Variants in ALDH1L1 observed in about 807,000 individuals in gnomAD.
The protein encoded by ALDH1L1 is aldehyde dehydrogenase 1 family member L1.
A neutral mutation model predicts 101.1 loss-of-function variants in ALDH1L1; 68 were observed. The observed-to-expected ratio is 0.67, with a 90% CI of 0.55 to 0.82. The LOEUF is 0.82. Ranked by LOEUF, ALDH1L1 falls within the 40% of genes least tolerant of loss-of-function variation. The pLI is 0.00. For missense variants in ALDH1L1, 1,087 were observed against 1,172.7 expected, an observed-to-expected ratio of 0.93 and a Z score of 1.07; for synonymous variants, 486 against 470.8, an observed-to-expected ratio of 1.03 and a Z score of -0.42.
intron 9 of ALDH1L1, among the ~76,000 whole-genome samples, chr3:126,143,570 A>G (rs2080611224): frequency 6.6e-6 from 1 of 152,248 alleles, no homozygotes; most frequent in African/African-American, 2.4e-5. Context: ...AGTTCCATCC[A>G]AGGCAATTAG....
chr3:126,158,116 C>T (rs996634326), intron 3 of ALDH1L1, among the ~76,000 whole-genome samples: 2 of 152,046 alleles, frequency 1.3e-5, no homozygotes. Context: ...CCTTCTGGTG[C>T]CCTCTCTGTC....
rs376231186 is a variant in ALDH1L1, at chr3:126,135,521, T to C, written c.1472+14A>G. ...ATGGTGGCAGTGGCTGGCAGGTACA[T>C]GTTGGGCTCCCACCTGTACATCAGC... On this transcript the variant is annotated intron_variant, in intron 12 of 22. Transcript: ENST00000393434. The C allele has an allele frequency of 6.9e-6, 11 of 1,602,448 alleles. No individual in the cohort carries two copies. In the South Asian group the frequency reaches 1.1e-4, roughly 16 times the overall value.
intron 1 of ALDH1L1, among the ~76,000 whole-genome samples, chr3:126,171,410 A>T (rs1469645099): frequency 6.6e-6 from 1 of 152,234 alleles, no homozygotes; most frequent in Non-Finnish European, 1.5e-5. Context: ...ACACAGAAGC[A>T]GTCCAAGCCT....
intron 1 of ALDH1L1, among the ~76,000 whole-genome samples, chr3:126,192,583 A>C (rs990633928): frequency 1.3e-5 from 2 of 152,180 alleles, no homozygotes; most frequent in African/African-American, 4.8e-5. Context: ...GAAACTTCAT[A>C]TGCCTCTTTA....
At position 126,150,749 on chromosome 3, in the gene ALDH1L1, G is replaced by A. The variant is rs140893808; in HGVS notation, c.859-218C>T. 90 of 422,038 alleles carry A rather than the reference G, an allele frequency of 2.1e-4. 1 individual carries two copies. The East Asian group carries it at 5.3e-3, about 25-fold the overall frequency. 26.1% of individuals were successfully genotyped at this position (422,038 alleles called of 1,614,324 possible). ...TTTTGTTTGTATTTTTAGTAGAGAC[G>A]GGGTTTCACCACATTGGTCAGGCTG... is the stretch of plus-strand genomic sequence containing the variant. On this transcript the variant is annotated intron_variant, in intron 7 of 22. Transcript: ENST00000393434.
At chr3:126,143,146 A>C (rs954307078) in intron 9 of ALDH1L1, among the ~76,000 whole-genome samples, 1 of 152,206 alleles carries the variant, frequency 6.6e-6, no homozygotes, top group Non-Finnish European at 1.5e-5. Context: ...TTTATTGAAC[A>C]CTGTACTGAA....
intron 16 of ALDH1L1, among the ~76,000 whole-genome samples, chr3:126,118,313 C>T (rs145400450): frequency 2.7e-3 from 404 of 152,264 alleles, no homozygotes; most frequent in African/African-American, 9.2e-3. Context: ...AACCCTCATC[C>T]CCTGTACCTC....
intron 14 of ALDH1L1, 118 bp downstream of exon 14, chr3:126,130,104 GA>G: frequency 2.2e-6 from 2 of 916,902 alleles, no homozygotes; most frequent in Non-Finnish European, 3.0e-6. Context: ...GAAGCACATG[GA>G]TGGCTGTTTG....
At chr3:126,193,646 G>A (rs1222600528) in intron 1 of ALDH1L1, among the ~76,000 whole-genome samples, 1 of 152,184 alleles carries the variant, frequency 6.6e-6, no homozygotes, top group Non-Finnish European at 1.5e-5. Flanking sequence ...GGTTCTCCAT[G>A]AGTCCATGCT....
chr3:126,131,580 G>T, intron 12 of ALDH1L1, 46 bp from the exon 13 acceptor site: 1 of 1,570,760 alleles, frequency 6.4e-7, no homozygotes, highest in South Asian at 1.2e-5. Context: ...GGCCTGGCAC[G>T]GCCTCATCTG....
upstream of ALDH1L1, among the ~76,000 whole-genome samples, chr3:126,185,236 C>A (rs918663629): frequency 6.6e-6 from 1 of 152,238 alleles, no homozygotes; most frequent in Non-Finnish European, 1.5e-5. Flanking sequence ...CCAAATCTAA[C>A]CTGGGGGTGT....
chr3:126,153,179 G>A (rs2080838042), intron 7 of ALDH1L1: 2 of 514,084 alleles, frequency 3.9e-6, no homozygotes, highest in African/African-American at 1.9e-5. Context: ...ACCCACACAG[G>A]GCACTCAGCC....
intron 1 of ALDH1L1, among the ~76,000 whole-genome samples, chr3:126,188,758 T>TA (rs1389226433): frequency 1.3e-5 from 2 of 152,180 alleles, no homozygotes; most frequent in African/African-American, 4.8e-5. Flanking sequence ...TGCAAACATT[T>TA]AAAAATTTTT....
chr3:126,136,388 C>T (rs762545336), intron 11 of ALDH1L1, among the ~76,000 whole-genome samples: 1 of 152,038 alleles, frequency 6.6e-6, no homozygotes, highest in East Asian at 1.9e-4. Context: ...GGACTCAGGT[C>T]GAAGAAGAAT....
intron 6 of ALDH1L1, among the ~76,000 whole-genome samples, chr3:126,154,181 A>C (rs1056578643): frequency 1.3e-5 from 2 of 152,190 alleles, no homozygotes; most frequent in African/African-American, 4.8e-5. Flanking sequence ...TGGCCTGCCC[A>C]CGGTCAGCCT....
intron 18 of ALDH1L1, among the ~76,000 whole-genome samples, chr3:126,113,362 G>A (rs970933801): frequency 3.9e-5 from 6 of 152,166 alleles, no homozygotes; most frequent in East Asian, 1.9e-4. Context: ...AGGCAGCCCC[G>A]ACATGGGTGG....
intron 20 of ALDH1L1, among the ~76,000 whole-genome samples, chr3:126,109,106 G>A (rs372018188): frequency 3.4e-4 from 52 of 152,224 alleles, no homozygotes; most frequent in African/African-American, 8.9e-4. Context: ...TTAAATGAGG[G>A]TCACAGAAAG....
chr3:126,188,332 G>T (rs1481941813), intron 1 of ALDH1L1, among the ~76,000 whole-genome samples: 1 of 152,174 alleles, frequency 6.6e-6, no homozygotes, highest in African/African-American at 2.4e-5. Flanking sequence ...CCAACTTTTC[G>T]TATTCATGGG....
intron 4 of ALDH1L1, among the ~76,000 whole-genome samples, chr3:126,157,114 A>G (rs112850257): frequency 1.3e-3 from 204 of 152,180 alleles, no homozygotes; most frequent in African/African-American, 4.7e-3. Flanking sequence ...CTTTTTGCCA[A>G]ACGCTTTTTG....
Sources: gnomAD v4.1 joint callset for allele counts (sites outside exome capture counted in the v4.1 genomes callset) on GRCh38, gnomAD v4.1.1 for gene constraint, MANE v1.5 for transcripts, NCBI Gene and HGNC (gene_info 2026-07-23, HGNC 2026-07-21) for gene names.